HTRA1: variants seen among roughly 807,000 people sequenced by gnomAD.
The protein encoded by HTRA1 is HtrA serine peptidase 1.
Under a neutral mutation model 49.7 loss-of-function variants are expected in HTRA1, and 26 were observed. The ratio of observed to expected loss-of-function variants is 0.52; its 90% CI spans 0.38 to 0.73. The LOEUF (loss-of-function observed/expected upper bound fraction) is 0.73. Among genes scored for constraint, HTRA1 ranks in the 30% least tolerant of loss-of-function variants. The probability of loss-of-function intolerance (pLI) is 0.00; values close to 1 mark genes in which losing one functional copy is unlikely to be tolerated. For synonymous variants in HTRA1, 291 were observed against 286.9 expected, an observed-to-expected ratio of 1.01 and a Z score of -0.14; for missense variants, 561 against 667.2, an observed-to-expected ratio of 0.84 and a Z score of 1.75.
At chr10:122,468,773 T>C (rs1303021182) in intron 1 of HTRA1, among the ~76,000 whole-genome samples, 1 of 152,230 alleles carries the variant, frequency 6.6e-6, no homozygotes, top group Non-Finnish European at 1.5e-5. Flanking sequence ...TAACTCTCCC[T>C]GGAGCTTGTG....
At chr10:122,511,746 TAAATAAAA>T (rs2097505709) in intron 7 of HTRA1, among the ~76,000 whole-genome samples, 1 of 61,934 alleles carries the variant, frequency 1.6e-5, no homozygotes, top group Non-Finnish European at 4.1e-5. Flanking sequence ...AAAAAAAAAA[TAAATAAAA>T]AAAATAAATA....
Position 122,462,111 on chromosome 10 carries a change from A to G in HTRA1, c.459A>G (p.Gly153=). 1 of 1,533,448 alleles carries G rather than the reference A, an allele frequency of 6.5e-7. No homozygotes were observed. The highest frequency in any genetic ancestry group is 1.2e-5 in the South Asian group (1 of 83,916). The allele number at this position is 1,533,448 out of a possible 1,614,324, so 95.0% of individuals were successfully genotyped here. ...HRPPVIVLQR[G]ACGQGQEDPN... The stretch of plus-strand genomic sequence containing the variant: ...CGCCGGTCATCGTCCTGCAGCGCGG[A>G]GCCTGCGGCCAAGGTACTCCGCCGC... Residue 153 remains glycine (G), a synonymous_variant, in exon 1 of 9, where the codon GGA becomes GGG. Coordinates refer to ENST00000368984, the MANE Select transcript of HTRA1 (RefSeq NM_002775.5).
chr10:122,469,867 AT>A (rs2097485386), intron 1 of HTRA1, among the ~76,000 whole-genome samples: 1 of 152,214 alleles, frequency 6.6e-6, no homozygotes, highest in African/African-American at 2.4e-5. Flanking sequence ...TTCATCAAAT[AT>A]TTGGTGGGTG....
chr10:122,482,134 C>T (rs557787408), intron 1 of HTRA1, among the ~76,000 whole-genome samples: 2 of 152,194 alleles, frequency 1.3e-5, no homozygotes, highest in South Asian at 2.1e-4. Context: ...CCCTATAACA[C>T]AGTGGTCATT....
chr10:122,468,864 C>A (rs559130990), intron 1 of HTRA1, among the ~76,000 whole-genome samples: 16 of 152,228 alleles, frequency 1.1e-4, no homozygotes, highest in African/African-American at 3.6e-4. Flanking sequence ...ACTGGGAATT[C>A]CTCACAAGGA....
chr10:122,514,789 C>T lies in HTRA1; in HGVS notation c.*430C>T, dbSNP rs1040742398. 4.3e-6 allele frequency: 1 copy of T among 231,130 alleles called. No individual in the cohort carries two copies. Among genetic ancestry groups the T allele is most frequent in the South Asian group, 6.7e-5 (1 of 14,934 alleles). 14.3% of individuals were successfully genotyped at this position (231,130 alleles called of 1,614,324 possible). A position where few individuals can be genotyped will look rare whatever the true frequency, so the allele number is the denominator to read the frequency against. ...GCACCCAAAGGTCAATGCACAGAGA[C>T]CCCGGGTGGGTGAGCGCTGGCTTCT... On this transcript the variant is annotated 3_prime_UTR_variant, in exon 9 of 9. Transcript: ENST00000368984.
At chr10:122,476,339 T>G (rs1343554022) in intron 1 of HTRA1, among the ~76,000 whole-genome samples, 1 of 152,214 alleles carries the variant, frequency 6.6e-6, no homozygotes, top group Non-Finnish European at 1.5e-5. Flanking sequence ...AGAGTCATCC[T>G]TGGCCTCCCG....
chr10:122,492,794 G>A (rs1308149880), intron 3 of HTRA1, among the ~76,000 whole-genome samples: 1 of 152,076 alleles, frequency 6.6e-6, no homozygotes, highest in Non-Finnish European at 1.5e-5. Context: ...CAGTCATGGT[G>A]TCCTACCCTC....
In HTRA1 at chr10:122,487,497, T is replaced by C. The variant is rs924156824; in HGVS notation, c.473-1405T>C. Among the ~76,000 whole-genome samples the C allele has an allele frequency of 1.3e-5, 2 of 152,192 alleles. No individual in the cohort carries two copies. The highest frequency in any genetic ancestry group is 2.9e-5 in the Non-Finnish European group (2 of 68,036). ...GTGCCTCTGGTTGATGGAAACTAACTTGTAGCCCTGCTGGGTGAGAGCCTC... is the reference window on the plus strand; with the variant it reads ...GTGCCTCTGGTTGATGGAAACTAACCTGTAGCCCTGCTGGGTGAGAGCCTC... On this transcript the variant is annotated intron_variant, in intron 1 of 8. Coordinates refer to ENST00000368984, the MANE Select transcript of HTRA1 (RefSeq NM_002775.5). This position sits in a 1 kb window ranked among gnomAD's most constrained non-coding sequence, Gnocchi z 4.8.
chr10:122,461,594 G>C lies in HTRA1; in HGVS notation c.-59G>C. 1.8e-6 allele frequency: 2 copies of C among 1,129,988 alleles called. No individual in the cohort carries two copies. The highest frequency in any genetic ancestry group is 1.4e-5 in the South Asian group (1 of 69,876). 70.0% of individuals were successfully genotyped at this position (1,129,988 alleles called of 1,614,324 possible). ...CCCGAGGCCCTCCTGCACTCTCCCC[G>C]GCGCCGCTCTCCGGCCCTCGCCCTG... On this transcript the variant is annotated 5_prime_UTR_variant, in exon 1 of 9. Coordinates refer to ENST00000368984, the MANE Select transcript of HTRA1 (RefSeq NM_002775.5).
rs1322894372 is a variant in HTRA1 at position 122,492,512 on chromosome 10, T to C, written c.777+2886T>C. Among the ~76,000 whole-genome samples the C allele has an allele frequency of 4.6e-5, 7 of 152,260 alleles. No individual in the cohort carries two copies. In the East Asian group the frequency reaches 1.4e-3, roughly 29 times the overall value. On this transcript the variant is annotated intron_variant, in intron 3 of 8. Transcript: ENST00000368984. Reference sequence around the variant, plus strand: ...CCATGCCTGGCTACTTTTTGTATTTTTAGTAGAGACCGGGTTTTGCCATGT... The same window carrying C: ...CCATGCCTGGCTACTTTTTGTATTTCTAGTAGAGACCGGGTTTTGCCATGT...
chr10:122,478,392 A>ATTTTT (rs34977432), intron 1 of HTRA1, among the ~76,000 whole-genome samples: 33,820 of 118,798 alleles, frequency 0.28, 6,195 homozygotes, highest in East Asian at 0.53. Flanking sequence ...AGTTTGACAG[A>ATTTTT]TTTTTTTTTT....
At position 122,489,656 on chromosome 10, in the gene HTRA1, T is replaced by C. The variant is rs751831288; in HGVS notation, c.777+30T>C. The C allele has an allele frequency of 3.1e-6, 5 of 1,594,496 alleles. No individual in the cohort carries two copies. The South Asian group carries it at 5.5e-5, about 18-fold the overall frequency. On this transcript the variant is annotated intron_variant, in intron 3 of 8. Transcript: ENST00000368984. ...GGGTGTTCTCGCCTGCAGAGGTGAG[T>C]TCTCAGATGCCCCGGAACACCCTTG...
At chr10:122,482,408 A>C (rs950705572) in intron 1 of HTRA1, among the ~76,000 whole-genome samples, 2 of 152,162 alleles carry the variant, frequency 1.3e-5, no homozygotes, top group African/African-American at 4.8e-5. Flanking sequence ...GCTAGTTTAC[A>C]AGGTGTCTAA....
intron 7 of HTRA1, among the ~76,000 whole-genome samples, chr10:122,510,637 T>C (rs1343466661): frequency 6.6e-6 from 1 of 152,194 alleles, no homozygotes; most frequent in Non-Finnish European, 1.5e-5. Context: ...ATGTGCTTGT[T>C]TTCCCCGAGC....
intron 3 of HTRA1, among the ~76,000 whole-genome samples, chr10:122,502,225 T>C (rs906113515): frequency 1.3e-5 from 2 of 152,108 alleles, no homozygotes; most frequent in Non-Finnish European, 2.9e-5. Context: ...TGCACCAAGC[T>C]CATAGGAGAC....
At chr10:122,495,570 T>C (rs1336271063) in intron 3 of HTRA1, among the ~76,000 whole-genome samples, 1 of 152,204 alleles carries the variant, frequency 6.6e-6, no homozygotes, top group African/African-American at 2.4e-5. Context: ...CTCTCAGAAC[T>C]GGATCCCCTG....
rs2097483150 is a variant in HTRA1 at position 122,464,782 on chromosome 10, G to A, written c.472+2658G>A. Among the ~76,000 whole-genome samples the A allele has an allele frequency of 6.6e-6, 1 of 152,212 alleles. No individual in the cohort carries two copies. The highest frequency in any genetic ancestry group is 1.5e-5 in the Non-Finnish European group (1 of 68,040). On this transcript the variant is annotated intron_variant, in intron 1 of 8. Coordinates refer to ENST00000368984, the MANE Select transcript of HTRA1 (RefSeq NM_002775.5). This position sits in a 1 kb window ranked among gnomAD's most constrained non-coding sequence, Gnocchi z 4.8. ...CACGGGCAGGTCACTTGACGTCACTGTTAAATGAGGTGAATTGGCTGCCTG... is the reference window on the plus strand; with the variant it reads ...CACGGGCAGGTCACTTGACGTCACTATTAAATGAGGTGAATTGGCTGCCTG...
intron 3 of HTRA1, among the ~76,000 whole-genome samples, chr10:122,501,463 T>G (rs1372999906): frequency 6.6e-6 from 1 of 152,220 alleles, no homozygotes; most frequent in African/African-American, 2.4e-5. Flanking sequence ...GTGCTTGTAT[T>G]GGGATCCTCT....
Sources: gnomAD v4.1 joint callset for allele counts (sites outside exome capture counted in the v4.1 genomes callset) on GRCh38, gnomAD v4.1.1 for gene constraint, Gnocchi (gnomAD v3.1) non-coding constraint, MANE v1.5 for transcripts, NCBI Gene and HGNC (gene_info 2026-07-23, HGNC 2026-07-21) for gene names.